Variants in GPHN observed in about 807,000 individuals in gnomAD.
GPHN encodes the protein gephyrin.
Under a neutral mutation model 95.5 loss-of-function variants are expected in GPHN, and 17 were observed. The ratio of observed to expected loss-of-function variants is 0.18; its 90% CI spans 0.12 to 0.27. The LOEUF is 0.27. Among genes scored for constraint, GPHN ranks in the 10% least tolerant of loss-of-function variants. The probability of loss-of-function intolerance (pLI) is 1.00; values close to 1 mark genes in which losing one functional copy is unlikely to be tolerated. For synonymous variants in GPHN, 320 were observed against 322.5 expected (o/e 0.99, Z 0.08); for missense variants, 660 against 978.1 (o/e 0.67, Z 4.34).
intron 18 of GPHN, among the ~76,000 whole-genome samples, chr14:67,150,470 A>AAAAAAACAAAACAAAACAAAACAAAAAT (rs1567410950): frequency 6.7e-6 from 1 of 148,646 alleles, no homozygotes; most frequent in Admixed American, 6.7e-5. Context: ...AAAAAAAAAA[A>AAAAAAACAAAACAAAACAAAACAAAAAT]AAACATTGTA....
In GPHN at chr14:66,879,312, C is replaced by T. The variant is rs111490730; in HGVS notation, c.295-627C>T. The stretch of plus-strand genomic sequence containing the variant: ...GCCATGTGTACGCCTATGTAACAAA[C>T]CTGCACGTTCTGCACATGTACCCCA... On this transcript the variant is annotated intron_variant, in intron 4 of 22. Transcript: ENST00000478722. 3.1e-3 allele frequency among the ~76,000 whole-genome samples: 457 copies of T among 149,446 alleles called. 10 individuals are homozygous for T. Among genetic ancestry groups the T allele is most frequent in the African/African-American group, 0.011 (433 of 40,246 alleles).
the GPHN span, among the ~76,000 whole-genome samples, chr14:67,451,104 A>T: frequency 6.6e-6 from 1 of 152,190 alleles, no homozygotes; most frequent in Non-Finnish European, 1.5e-5. Flanking sequence ...CAGCTTCCAC[A>T]TGGTGTTGAG....
chr14:67,160,125 G>A (rs1274491070), intron 19 of GPHN, among the ~76,000 whole-genome samples: 1 of 152,058 alleles, frequency 6.6e-6, no homozygotes, highest in Non-Finnish European at 1.5e-5. Context: ...GGTCGACTCA[G>A]TGTATTTGTT....
intron 16 of GPHN, among the ~76,000 whole-genome samples, chr14:67,116,925 A>G (rs1393295173): frequency 2.6e-5 from 4 of 152,122 alleles, no homozygotes; most frequent in Non-Finnish European, 4.4e-5. Context: ...GTTAAAAGCT[A>G]TTTGCAACAG....
intron 5 of GPHN, among the ~76,000 whole-genome samples, chr14:66,886,972 G>A (rs1290774848): frequency 6.6e-6 from 1 of 152,140 alleles, no homozygotes; most frequent in East Asian, 1.9e-4. Context: ...AAACTGAATG[G>A]AACCTAAGGG....
chr14:66,956,083 A>T (rs570676408), intron 8 of GPHN, among the ~76,000 whole-genome samples: 1 of 152,186 alleles, frequency 6.6e-6, no homozygotes, highest in East Asian at 1.9e-4. Context: ...TCTCTATTTC[A>T]TTTATCTCCA....
intron 18 of GPHN, among the ~76,000 whole-genome samples, chr14:67,144,246 AAAAAATAT>A (rs2080704516): frequency 1.5e-5 from 1 of 65,618 alleles, no homozygotes; most frequent in African/African-American, 7.9e-5. Flanking sequence ...TAAAAAAAAA[AAAAAATAT>A]ATATATATAT....
At chr14:66,623,658 T>C (rs1022622658) in intron 1 of GPHN, among the ~76,000 whole-genome samples, 2 of 148,568 alleles carry the variant, frequency 1.3e-5, no homozygotes, top group African/African-American at 5.0e-5. Flanking sequence ...TGCTTATTGG[T>C]GTATGTGCCA....
At chr14:67,444,892 T>TG in the GPHN span, among the ~76,000 whole-genome samples, 2 of 152,144 alleles carry the variant, frequency 1.3e-5, no homozygotes, top group Admixed American at 1.3e-4. Flanking sequence ...CCTGAGTAGC[T>TG]GGGACTACAG....
chr14:67,710,043 C>T, the GPHN span, among the ~76,000 whole-genome samples: 2 of 152,180 alleles, frequency 1.3e-5, no homozygotes, highest in Non-Finnish European at 2.9e-5. Flanking sequence ...CCTGGAAGCT[C>T]CCTCCCCACT....
At chr14:67,449,660 A>G in the GPHN span, among the ~76,000 whole-genome samples, 141,258 of 152,232 alleles carry the variant, frequency 0.93, 65,760 homozygotes, top group Middle Eastern at 1. Flanking sequence ...CTGTGTTCCC[A>G]CCCAAATCTC....
chr14:66,905,118 A>G (rs2065311918), intron 5 of GPHN, among the ~76,000 whole-genome samples: 1 of 151,900 alleles, frequency 6.6e-6, no homozygotes, highest in African/African-American at 2.4e-5. Flanking sequence ...ATTGCTCTTC[A>G]TGCTTTTTGC....
chr14:67,138,539 AG>A (rs2080240516), intron 17 of GPHN, among the ~76,000 whole-genome samples: 2 of 152,218 alleles, frequency 1.3e-5, no homozygotes, highest in Admixed American at 6.5e-5. Context: ...AAGAAAACTC[AG>A]TTTTTATATG....
At chr14:67,332,936 C>G in the GPHN span, 1 of 1,608,806 alleles carries the variant, frequency 6.2e-7, no homozygotes, top group South Asian at 1.1e-5. Flanking sequence ...TCAGTGGGTA[C>G]CATCCACTTG....
In GPHN at chr14:67,108,110, C is replaced by G. The variant is rs558877240; in HGVS notation, c.1294-2030C>G. 4.6e-5 allele frequency among the ~76,000 whole-genome samples: 7 copies of G among 152,260 alleles called. No individual in the cohort carries two copies. In the East Asian group the frequency reaches 9.6e-4, roughly 21 times the overall value. On this transcript the variant is annotated intron_variant, in intron 13 of 22. Transcript: ENST00000478722. The stretch of plus-strand genomic sequence containing the variant: ...AACCAATAAAGGAATCTGCAGCACC[C>G]AGGAGCTAGCAACAGTGAGATTTCC...
the GPHN span, among the ~76,000 whole-genome samples, chr14:67,517,013 A>T: frequency 3.3e-5 from 5 of 152,366 alleles, no homozygotes; most frequent in South Asian, 2.1e-4. Context: ...AGCACACAGT[A>T]GGCTTTGGAT....
intron 4 of GPHN, among the ~76,000 whole-genome samples, chr14:66,856,454 A>C (rs979097660): frequency 1.3e-5 from 2 of 152,166 alleles, no homozygotes; most frequent in African/African-American, 4.8e-5. Flanking sequence ...TAAAGTAGCT[A>C]TTGCAGAATT....
At chr14:66,636,992 A>C (rs1220768331) in intron 1 of GPHN, among the ~76,000 whole-genome samples, 1 of 152,196 alleles carries the variant, frequency 6.6e-6, no homozygotes, top group Non-Finnish European at 1.5e-5. Context: ...GAATCTCCTC[A>C]GTTAACACCC....
rs1229021263 is a variant in GPHN at position 66,544,170 on chromosome 14, C to T, written c.64+35579C>T. 4.6e-5 allele frequency among the ~76,000 whole-genome samples: 7 copies of T among 152,316 alleles called. No homozygotes were observed. In the East Asian group the frequency reaches 1.4e-3, roughly 29 times the overall value. On this transcript the variant is annotated intron_variant, in intron 1 of 22. Transcript: ENST00000478722. ...CCTGGTACATGCAGATGGGCTTTCA[C>T]CTTAGGATTTGTGCACTGATGATTC...
Sources: gnomAD v4.1 joint callset for allele counts (sites outside exome capture counted in the v4.1 genomes callset) on GRCh38, gnomAD v4.1.1 for gene constraint, MANE v1.5 for transcripts, NCBI Gene and HGNC (gene_info 2026-07-23, HGNC 2026-07-21) for gene names.